Variants in CRTC3 observed in about 807,000 individuals in gnomAD.
CRTC3 encodes the protein CREB regulated transcription coactivator 3, also known as CREB-regulated transcription coactivator 3.
Under a neutral mutation model 74.5 loss-of-function variants are expected in CRTC3, and 26 were observed. The observed-to-expected ratio is 0.35, with a 90% confidence interval of 0.26 to 0.48. The LOEUF is 0.48. Among genes scored for constraint, CRTC3 ranks in the 20% least tolerant of loss-of-function variants. The pLI is 0.99. For synonymous variants in CRTC3, 377 were observed against 325.8 expected, an observed-to-expected ratio of 1.16 and a Z score of -1.69; for missense variants, 760 against 787.3, an observed-to-expected ratio of 0.97 and a Z score of 0.41.
chr15:90,611,653 C>T lies in CRTC3; in HGVS notation c.578-2800C>T, dbSNP rs142537668. 8.3e-4 allele frequency among the ~76,000 whole-genome samples: 127 copies of T among 152,260 alleles called. 1 individual carries two copies. The highest frequency in any genetic ancestry group is 2.8e-3 in the African/African-American group (116 of 41,544). Reference sequence around the variant, plus strand: ...GATTACTCCCATTCCCATGCCCCTACGCCCATTCAGTAGCCGAGTCCTGTT... The same window carrying T: ...GATTACTCCCATTCCCATGCCCCTATGCCCATTCAGTAGCCGAGTCCTGTT... On this transcript the variant is annotated intron_variant, in intron 6 of 14. Transcript: ENST00000268184.
At chr15:90,567,731 G>T (rs1486474326) in intron 2 of CRTC3, among the ~76,000 whole-genome samples, 1 of 77,838 alleles carries the variant, frequency 1.3e-5, no homozygotes, top group Non-Finnish European at 3.3e-5. Flanking sequence ...ATCACTCCTC[G>T]TTGACAGTGC....
At chr15:90,579,244 A>G (rs1378652865) in intron 2 of CRTC3, among the ~76,000 whole-genome samples, 1 of 152,184 alleles carries the variant, frequency 6.6e-6, no homozygotes, top group African/African-American at 2.4e-5. Flanking sequence ...GTGCCCTTTT[A>G]TATCAGGGAT....
At position 90,604,271 on chromosome 15, in the gene CRTC3, C is replaced by T. The variant is rs899984340; in HGVS notation, c.414-114C>T. 1.8e-5 allele frequency: 14 copies of T among 771,942 alleles called. No individual in the cohort carries two copies. In the Middle Eastern group the frequency reaches 7.0e-4, roughly 39 times the overall value. 47.8% of individuals were successfully genotyped at this position (771,942 alleles called of 1,614,324 possible). ...CGAGGTGTGGGGTATTTTTAAGTAA[C>T]TCTTGCAGAGCGAGGTGAGTAGAAG... On this transcript the variant is annotated intron_variant, in intron 4 of 14. Transcript: ENST00000268184.
chr15:90,565,893 G>A (rs1476459117), intron 2 of CRTC3, among the ~76,000 whole-genome samples: 2 of 152,104 alleles, frequency 1.3e-5, no homozygotes, highest in Non-Finnish European at 2.9e-5. Flanking sequence ...ATTGAAATTA[G>A]GCCTCTAAGT....
In CRTC3 at chr15:90,642,641, C is replaced by G; in HGVS notation, c.*501C>G. 4.1e-6 allele frequency: 1 copy of G among 240,992 alleles called. No homozygotes were observed. The highest frequency in any genetic ancestry group is 8.2e-6 in the Non-Finnish European group (1 of 122,572). The allele number at this position is 240,992 out of a possible 1,614,324, so 14.9% of individuals were successfully genotyped here. On this transcript the variant is annotated 3_prime_UTR_variant, in exon 15 of 15. Coordinates refer to ENST00000268184, the MANE Select transcript of CRTC3 (RefSeq NM_022769.5). ...CGAGGCCCTCCAGCGGGGGACATTC[C>G]CAGGCTGAGTGGACCCCACGGCTCT...
intron 4 of CRTC3, among the ~76,000 whole-genome samples, chr15:90,602,935 C>T (rs974244127): frequency 7.9e-5 from 12 of 152,092 alleles, no homozygotes; most frequent in Non-Finnish European, 1.6e-4. Flanking sequence ...GATCACGCCA[C>T]AGCACTCCAG....
intron 2 of CRTC3, among the ~76,000 whole-genome samples, chr15:90,581,670 C>G (rs936424998): frequency 2.0e-5 from 3 of 151,880 alleles, no homozygotes; most frequent in Non-Finnish European, 4.4e-5. Context: ...TAAAGAACCC[C>G]CATAGACTCA....
intron 6 of CRTC3, chr15:90,613,763 A>G (rs1968422095): frequency 6.6e-6 from 1 of 152,228 alleles, no homozygotes; most frequent in Admixed American, 6.5e-5. Context: ...TCTTAAGGGA[A>G]TGCTAAGATA....
At chr15:90,575,775 C>T (rs548083847) in intron 2 of CRTC3, among the ~76,000 whole-genome samples, 8 of 152,196 alleles carry the variant, frequency 5.3e-5, no homozygotes, top group East Asian at 3.9e-4. Context: ...TGCTGCTTTT[C>T]GGTGATTTTT....
chr15:90,608,600 C>T (rs1307634106), intron 6 of CRTC3, among the ~76,000 whole-genome samples: 1 of 152,220 alleles, frequency 6.6e-6, no homozygotes, highest in East Asian at 1.9e-4. Flanking sequence ...TCTCTTAGCA[C>T]CTGCAATGCT....
chr15:90,618,170 T>A, intron 8 of CRTC3: 1 of 339,740 alleles, frequency 2.9e-6, no homozygotes, highest in Non-Finnish European at 5.3e-6. Context: ...CACATTGATC[T>A]CTTGGCTTAC....
chr15:90,568,086 A>G (rs962631129), intron 2 of CRTC3, among the ~76,000 whole-genome samples: 17 of 152,238 alleles, frequency 1.1e-4, no homozygotes, highest in African/African-American at 3.9e-4. Context: ...GAGGGGTTCA[A>G]GACTTCAGTG....
At chr15:90,611,138 A>G (rs1968346720) in intron 6 of CRTC3, among the ~76,000 whole-genome samples, 1 of 152,168 alleles carries the variant, frequency 6.6e-6, no homozygotes, top group African/African-American at 2.4e-5. Flanking sequence ...GGGCAAAAAG[A>G]GTGTCACCCA....
chr15:90,543,300 C>A (rs79224282), intron 2 of CRTC3, among the ~76,000 whole-genome samples: 322 of 108,170 alleles, frequency 3.0e-3, no homozygotes, highest in East Asian at 3.8e-3. Flanking sequence ...AACCCTGTCT[C>A]AAAAAAAAAA....
At chr15:90,623,016 G>T (rs1188605652) in intron 9 of CRTC3, among the ~76,000 whole-genome samples, 1 of 152,092 alleles carries the variant, frequency 6.6e-6, no homozygotes, top group Non-Finnish European at 1.5e-5. Flanking sequence ...AAAGTGAGGC[G>T]AGGCTGGCAG....
At chr15:90,603,632 G>C (rs1319645934) in intron 4 of CRTC3, among the ~76,000 whole-genome samples, 3 of 152,184 alleles carry the variant, frequency 2.0e-5, no homozygotes, top group Non-Finnish European at 2.9e-5. Flanking sequence ...TGCTGCATCT[G>C]TTGTGTGCCT....
intron 3 of CRTC3, chr15:90,595,834 C>G (rs1360801212): frequency 6.6e-6 from 1 of 152,162 alleles, no homozygotes; most frequent in Non-Finnish European, 1.5e-5. Flanking sequence ...TGCTAGTGGT[C>G]AGACACCGTT....
chr15:90,636,757 A>G (rs1195684194), intron 11 of CRTC3, among the ~76,000 whole-genome samples: 1 of 152,210 alleles, frequency 6.6e-6, no homozygotes, highest in Non-Finnish European at 1.5e-5. Context: ...ATGAACAGAC[A>G]CTCTTCAAAA....
At chr15:90,614,704 C>G in intron 7 of CRTC3, 1 of 474,302 alleles carries the variant, frequency 2.1e-6, no homozygotes. Flanking sequence ...ACAAAGGTTC[C>G]TTTTTATCTA....
Sources: gnomAD v4.1 joint callset for allele counts (sites outside exome capture counted in the v4.1 genomes callset) on GRCh38, gnomAD v4.1.1 for gene constraint, MANE v1.5 for transcripts, NCBI Gene and HGNC (gene_info 2026-07-23, HGNC 2026-07-21) for gene names.